Variants in CEP152 observed in about 807,000 individuals in gnomAD.
The protein encoded by CEP152 is centrosomal protein of 152 kDa.
Under a neutral mutation model 188.9 loss-of-function variants are expected in CEP152, and 132 were observed. The observed-to-expected ratio is 0.70, with a 90% confidence interval of 0.61 to 0.81. CEP152 has a LOEUF of 0.81. Ranked by LOEUF, CEP152 falls within the 30% of genes least tolerant of loss-of-function variation. The pLI is 0.00. For synonymous variants in CEP152, 649 were observed against 666.6 expected (o/e 0.97, Z 0.41); for missense variants, 1,914 against 1,969.8 (o/e 0.97, Z 0.54).
chr15:48,796,285 TATATACACAC>T (rs1897286521), intron 5 of CEP152, 125 bp from the exon 6 acceptor site: 3 of 717,616 alleles, frequency 4.2e-6, no homozygotes, highest in African/African-American at 4.8e-5. Flanking sequence ...GTTGTTTATA[TATATACACAC>T]ACACACACAC....
chr15:48,795,137 A>G (rs1393080301), intron 6 of CEP152, among the ~76,000 whole-genome samples: 1 of 152,248 alleles, frequency 6.6e-6, no homozygotes, highest in Non-Finnish European at 1.5e-5. Context: ...GCCAGACAGT[A>G]TGACAAGAGT....
chr15:48,739,540 A>C (rs979179813), intron 26 of CEP152, among the ~76,000 whole-genome samples: 3 of 152,168 alleles, frequency 2.0e-5, no homozygotes, highest in African/African-American at 7.2e-5. Flanking sequence ...CTGATATATA[A>C]TTATTATTGC....
intron 21 of CEP152, among the ~76,000 whole-genome samples, chr15:48,749,780 AG>A (rs1893744346): frequency 6.6e-6 from 1 of 152,132 alleles, no homozygotes; most frequent in Admixed American, 6.5e-5. Flanking sequence ...AGGAGGCTAA[AG>A]ATACATTACA....
chr15:48,783,777 ATATATATATATATG>A (rs1896432374), intron 10 of CEP152, 182 bp downstream of exon 10: 2 of 172,924 alleles, frequency 1.2e-5, no homozygotes, highest in African/African-American at 2.4e-5. Context: ...GTGTGTATGT[ATATATATATATATG>A]TATATATATA....
At chr15:48,752,066 C>A (rs1893913071) in intron 21 of CEP152, among the ~76,000 whole-genome samples, 1 of 151,996 alleles carries the variant, frequency 6.6e-6, no homozygotes, top group Non-Finnish European at 1.5e-5. Context: ...GATGTGAAAC[C>A]CTTGATTTCA....
intron 13 of CEP152, among the ~76,000 whole-genome samples, chr15:48,771,028 A>G (rs1479710883): frequency 6.6e-6 from 1 of 152,148 alleles, no homozygotes; most frequent in Non-Finnish European, 1.5e-5. Context: ...AAAGGAGTAT[A>G]CTACCCACAT....
At chr15:48,739,906 TTA>T (rs1419332225) in intron 26 of CEP152, among the ~76,000 whole-genome samples, 2 of 152,206 alleles carry the variant, frequency 1.3e-5, no homozygotes, top group Non-Finnish European at 2.9e-5. Flanking sequence ...TATTTTCTTG[TTA>T]TATGTTACTG....
chr15:48,745,116 G>C, intron 22 of CEP152, 124 bp from the exon 23 acceptor site: 1 of 630,470 alleles, frequency 1.6e-6, no homozygotes, highest in South Asian at 2.6e-5. Context: ...TTTCTGTAAC[G>C]TTCATCCCCT....
chr15:48,781,409 G>T (rs1366477181), intron 11 of CEP152, 50 bp from the exon 12 acceptor site: 31 of 1,458,464 alleles, frequency 2.1e-5, no homozygotes, highest in Non-Finnish European at 2.9e-5. Context: ...CCTATATGAA[G>T]TAATCAGTCA....
chr15:48,736,634 C>A (rs1021972076), downstream of CEP152, among the ~76,000 whole-genome samples: 4 of 152,082 alleles, frequency 2.6e-5, no homozygotes, highest in African/African-American at 9.7e-5. Flanking sequence ...ACACCCTATA[C>A]CACACCCTAT....
intron 20 of CEP152, 108 bp downstream of exon 20, chr15:48,755,795 A>G: frequency 6.4e-7 from 1 of 1,562,182 alleles, no homozygotes. Context: ...ACAAAAACAT[A>G]AGACTTACAT....
At chr15:48,768,688 G>C (rs989032697) in intron 14 of CEP152, among the ~76,000 whole-genome samples, 1 of 152,100 alleles carries the variant, frequency 6.6e-6, no homozygotes, top group African/African-American at 2.4e-5. Context: ...TTACTTCTGG[G>C]TCAAGAGCTG....
intron 2 of CEP152, among the ~76,000 whole-genome samples, chr15:48,802,049 G>A: frequency 6.7e-6 from 1 of 149,540 alleles, no homozygotes; most frequent in East Asian, 2.0e-4. Context: ...AAGATCCCGT[G>A]ATTGCACTCC....
At chr15:48,774,167 A>C (rs944916561) in intron 12 of CEP152, among the ~76,000 whole-genome samples, 9 of 152,150 alleles carry the variant, frequency 5.9e-5, no homozygotes, top group African/African-American at 2.2e-4. Flanking sequence ...ATCAGTGAAC[A>C]CATAGATATA....
intron 12 of CEP152, among the ~76,000 whole-genome samples, 194 bp from the exon 13 acceptor site, chr15:48,772,885 G>A (rs1435089133): frequency 6.6e-6 from 1 of 152,088 alleles, no homozygotes; most frequent in African/African-American, 2.4e-5. Flanking sequence ...ACAGAAATAC[G>A]TTTATTCACA....
At chr15:48,735,789 A>T (rs1308252738), downstream of CEP152, among the ~76,000 whole-genome samples, 2 of 152,190 alleles carry the variant, frequency 1.3e-5, no homozygotes, top group East Asian at 3.8e-4. Context: ...GACATAAAGC[A>T]AACAGAAGGA....
At chr15:48,750,304 T>C (rs907062224) in intron 21 of CEP152, among the ~76,000 whole-genome samples, 1 of 152,074 alleles carries the variant, frequency 6.6e-6, no homozygotes, top group African/African-American at 2.4e-5. Context: ...TAGTAATACA[T>C]AAAATTTATA....
intron 8 of CEP152, among the ~76,000 whole-genome samples, chr15:48,790,171 T>G (rs181799196): frequency 6.6e-6 from 1 of 152,354 alleles, no homozygotes; most frequent in Admixed American, 6.5e-5. Context: ...ACTGCTTTCA[T>G]GGCTAAGAGA....
intron 19 of CEP152, among the ~76,000 whole-genome samples, chr15:48,759,651 G>T (rs1894536284): frequency 6.6e-6 from 1 of 152,002 alleles, no homozygotes; most frequent in Non-Finnish European, 1.5e-5. Flanking sequence ...CAGTTTGTTG[G>T]CATTTTGATT....
Sources: gnomAD v4.1 joint callset for allele counts (sites outside exome capture counted in the v4.1 genomes callset) on GRCh38, gnomAD v4.1.1 for gene constraint, MANE v1.5 for transcripts, NCBI Gene and HGNC (gene_info 2026-07-23, HGNC 2026-07-21) for gene names.